The following PEX5 variants were observed in gnomAD, a reference collection of about 807,000 sequenced individuals.
PEX5 encodes PTS1 receptor.
In PEX5, 52 loss-of-function variants were observed where a neutral mutation model predicts 82.9. The ratio of observed to expected loss-of-function variants is 0.63; its 90% CI spans 0.50 to 0.79. The LOEUF is 0.79. Ranked by LOEUF, PEX5 falls within the 30% of genes least tolerant of loss-of-function variation. The probability of loss-of-function intolerance (pLI) is 0.00; values close to 1 mark genes in which losing one functional copy is unlikely to be tolerated. For synonymous variants in PEX5, 300 were observed against 318.8 expected, an observed-to-expected ratio of 0.94 and a Z score of 0.63; for missense variants, 719 against 815.2, an observed-to-expected ratio of 0.88 and a Z score of 1.44.
intron 10 of PEX5, among the ~76,000 whole-genome samples, chr12:7,204,137 T>A (rs1372593137): frequency 6.6e-6 from 1 of 152,236 alleles, no homozygotes; most frequent in Non-Finnish European, 1.5e-5. Flanking sequence ...ATGTTACTTC[T>A]GGGGTCTTAC....
chr12:7,205,790 A>G (rs1944684602), intron 10 of PEX5, among the ~76,000 whole-genome samples: 2 of 152,208 alleles, frequency 1.3e-5, no homozygotes, highest in Admixed American at 1.3e-4. Flanking sequence ...GAGGAAACTT[A>G]GAGAATCCTG....
At chr12:7,202,589 C>T (rs758297135) in intron 8 of PEX5, 23 bp from the exon 9 acceptor site, 19 of 1,603,774 alleles carry the variant, frequency 1.2e-5, no homozygotes, top group Admixed American at 1.7e-5. Flanking sequence ...GGTAGTGGTA[C>T]TGACCATCCT....
At chr12:7,200,736 G>A (rs1234924056) in intron 6 of PEX5, among the ~76,000 whole-genome samples, 1 of 152,118 alleles carries the variant, frequency 6.6e-6, no homozygotes, top group African/African-American at 2.4e-5. Context: ...AAAAAAATAC[G>A]AAAACCAGTC....
At chr12:7,214,334 G>A (rs765523472), downstream of PEX5, among the ~76,000 whole-genome samples, 447 of 151,964 alleles carry the variant, frequency 2.9e-3, 3 homozygotes, top group African/African-American at 0.01. Flanking sequence ...GTCCAACAAC[G>A]ATAGACTGGA....
intron 1 of PEX5, 25 bp downstream of exon 1, chr12:7,189,775 CCGGGGCCGCGTCCCT>C (rs200032511): frequency 0.51 from 290,428 of 574,764 alleles, 74,833 homozygotes; most frequent in Admixed American, 0.62. Context: ...CCGAGGGGGC[CCGGGGCCGCGTCCCT>C]GGGCCCTCCC....
rs776557147 is a variant in PEX5 at position 7,201,720 on chromosome 12, A to G, written c.552-31A>G. The G allele has an allele frequency of 2.7e-5, 40 of 1,466,348 alleles. No individual in the cohort carries two copies. The East Asian group carries it at 9.1e-4, about 33-fold the overall frequency. 90.8% of individuals were successfully genotyped at this position (1,466,348 alleles called of 1,614,324 possible). A position where few individuals can be genotyped will look rare whatever the true frequency, so the allele number is the denominator to read the frequency against. On this transcript the variant is annotated intron_variant, in intron 6 of 15. Transcript: ENST00000675855. ...AGCATGGGGAGGGTGATGGCAGACT[A>G]ATGTGTAAAATTAGTTCTTACCCGT...
At chr12:7,204,723 A>C (rs1266435786) in intron 10 of PEX5, among the ~76,000 whole-genome samples, 1 of 152,258 alleles carries the variant, frequency 6.6e-6, no homozygotes, top group Non-Finnish European at 1.5e-5. Context: ...AAAAATGTCC[A>C]TGCTTTTCAT....
intron 17 of PEX5, among the ~76,000 whole-genome samples, chr12:7,216,982 T>G (rs1945797989): frequency 6.6e-6 from 1 of 152,208 alleles, no homozygotes; most frequent in African/African-American, 2.4e-5. Flanking sequence ...ATTTTTTTTC[T>G]TCACATCAAT....
rs1162647153 is a variant in PEX5, at chr12:7,203,670, A to C, written c.966+119A>C. On this transcript the variant is annotated intron_variant, in intron 10 of 15. Coordinates refer to ENST00000675855, the MANE Select transcript of PEX5 (RefSeq NM_001351132.2). ...TTTTCTTGAGTCCCTTTCCACGAAA[A>C]GAAGTCTGAATAATTCCCTTGCCCT... 11 of 968,248 alleles carry C rather than the reference A, an allele frequency of 1.1e-5. No homozygotes were observed. In the Admixed American group the frequency reaches 2.3e-4, roughly 20 times the overall value. 60.0% of individuals were successfully genotyped at this position (968,248 alleles called of 1,614,324 possible).
chr12:7,209,829 C>T lies in PEX5; in HGVS notation c.1707C>T (p.Leu569=), dbSNP rs151312595. Residue 569 remains leucine, a synonymous_variant, in exon 15 of 16, where the codon CTC becomes CTT. Transcript: ENST00000675855. ...ACCTGGGCATCAGCTGCATCAACCT[C>T]GGGGCTCACCGGTGAGAGTATCTAT... is the stretch of plus-strand genomic sequence containing the variant. The part of the protein sequence containing the change: ...RYNLGISCIN[L]GAHREAVEHF... 1.3e-4 allele frequency: 203 copies of T among 1,614,184 alleles called. No homozygotes were observed. The highest frequency in any genetic ancestry group is 6.8e-4 in the African/African-American group (51 of 75,030).
intron 14 of PEX5, 56 bp downstream of exon 14, chr12:7,209,226 C>T: frequency 2.5e-6 from 4 of 1,570,800 alleles, no homozygotes; most frequent in South Asian, 1.1e-5. Context: ...ATTGAAGAGC[C>T]ATTTGTTGGG....
intron 13 of PEX5, 100 bp from the exon 14 acceptor site, chr12:7,208,905 G>T (rs1220954133): frequency 9.0e-7 from 1 of 1,107,340 alleles, no homozygotes; most frequent in Non-Finnish European, 1.4e-6. Flanking sequence ...ATAGATTGAT[G>T]AATGTTGGGG....
At chr12:7,196,024 C>CATTATATATTATAT (rs376826621) in intron 5 of PEX5, among the ~76,000 whole-genome samples, 2 of 66,940 alleles carry the variant, frequency 3.0e-5, no homozygotes, top group African/African-American at 4.1e-5. Context: ...TTACATTATA[C>CATTATATATTATAT]ATTATATATT....
intron 1 of PEX5, 78 bp downstream of exon 1, chr12:7,189,828 A>C: frequency 9.4e-7 from 1 of 1,059,564 alleles, no homozygotes. Flanking sequence ...CGCGGGTCCC[A>C]GGGGCGGGGC....
chr12:7,215,608 G>A (rs772850058), downstream of PEX5, among the ~76,000 whole-genome samples: 6 of 152,266 alleles, frequency 3.9e-5, no homozygotes, highest in South Asian at 1.2e-3. Flanking sequence ...GTTGCCGCTG[G>A]AGGCCATTAT....
At chr12:7,198,066 G>A (rs952613611) in intron 5 of PEX5, among the ~76,000 whole-genome samples, 4 of 152,040 alleles carry the variant, frequency 2.6e-5, no homozygotes, top group Non-Finnish European at 4.4e-5. Flanking sequence ...CTGGCCACAG[G>A]ATAGTAAAGG....
In PEX5 at chr12:7,199,098, C is replaced by T. The variant is rs2136075556; in HGVS notation, c.536C>T (p.Thr179Ile). The T allele has an allele frequency of 1.3e-6, 2 of 1,597,392 alleles. No individual in the cohort carries two copies. The highest frequency in any genetic ancestry group is 1.7e-6 in the Non-Finnish European group (2 of 1,168,820). The change falls in exon 6 of 16, where the codon ACA (threonine) becomes ATA (isoleucine). Residue 179 changes from threonine (T) to isoleucine (I), a missense_variant. Transcript: ENST00000675855. ...EKLWLGEPEG[T>I]ATDRWYDEYH... Reference sequence around the variant, plus strand: ...CTGTGGCTGGGAGAACCTGAGGGAACAGCCACCGATCGCTGGTGAGTTCAG... The same window carrying T: ...CTGTGGCTGGGAGAACCTGAGGGAATAGCCACCGATCGCTGGTGAGTTCAG...
At chr12:7,190,180 GGA>G in intron 1 of PEX5, 180 bp from the exon 2 acceptor site, 2 of 1,515,418 alleles carry the variant, frequency 1.3e-6, no homozygotes, top group East Asian at 2.4e-5. Context: ...GGGGGCGGCA[GGA>G]GAGAGTACCG....
chr12:7,209,582 C>A, intron 14 of PEX5, 101 bp from the exon 15 acceptor site: 1 of 121,704 alleles, frequency 8.2e-6, no homozygotes, highest in Non-Finnish European at 1.4e-5. Flanking sequence ...AGTAGTGAAA[C>A]AGCTGGAGTA....
Sources: allele counts gnomAD v4.1 joint callset (sites outside exome capture counted in the v4.1 genomes callset), GRCh38; gene constraint gnomAD v4.1.1; transcripts MANE v1.5; gene names NCBI Gene and HGNC (gene_info 2026-07-23, HGNC 2026-07-21).